ENTPD3: variants seen among roughly 807,000 people sequenced by gnomAD.
The protein encoded by ENTPD3 is ectonucleoside triphosphate diphosphohydrolase 3, also known as CD39 antigen-like 3.
Under a neutral mutation model 51.2 loss-of-function variants are expected in ENTPD3, and 60 were observed. That is an observed-to-expected ratio of 1.17 (90% confidence interval 0.95 to 1.45). The LOEUF is 1.45. ENTPD3 is among the 40% of genes most tolerant of loss of function. ENTPD3 has a pLI of 0.00. For missense variants in ENTPD3, 593 were observed against 641.1 expected (o/e 0.93, Z 0.81); for synonymous variants, 221 against 238.4 (o/e 0.93, Z 0.67).
Position 40,412,604 on chromosome 3 carries a change from T to A in ENTPD3, c.437+642T>A, listed in dbSNP as rs150292449. 4.5e-3 allele frequency among the ~76,000 whole-genome samples: 679 copies of A among 152,282 alleles called. 2 individuals are homozygous for A. The highest frequency in any genetic ancestry group is 0.014 in the African/African-American group (581 of 41,560). ...TCCAAAAAGAAACACCAAACTTAAA[T>A]CTACTCAGAGTAAAGGCTACTACTC... On this transcript the variant is annotated intron_variant, in intron 5 of 10. Coordinates refer to ENST00000301825, the MANE Select transcript of ENTPD3 (RefSeq NM_001248.4).
intron 7 of ENTPD3, among the ~76,000 whole-genome samples, chr3:40,417,973 C>T (rs1559517012): frequency 1.3e-5 from 2 of 152,098 alleles, no homozygotes; most frequent in African/African-American, 4.8e-5. Flanking sequence ...TGTCTGCGTG[C>T]CTCTGTGTGT....
intron 3 of ENTPD3, among the ~76,000 whole-genome samples, chr3:40,392,989 CAAA>C (rs79999441): frequency 1.5e-5 from 2 of 131,526 alleles, no homozygotes; most frequent in African/African-American, 2.8e-5. Flanking sequence ...ACCCCCCCGG[CAAA>C]AAAAAAAAAA....
chr3:40,422,159 C>T (rs1306753801), intron 7 of ENTPD3, among the ~76,000 whole-genome samples: 1 of 151,256 alleles, frequency 6.6e-6, no homozygotes, highest in Non-Finnish European at 1.5e-5. Flanking sequence ...CACACACACA[C>T]CCTTTTCCCA....
chr3:40,411,755 G>C (rs1955635908), intron 4 of ENTPD3, 57 bp from the exon 5 acceptor site: 1 of 1,501,866 alleles, frequency 6.7e-7, no homozygotes. Context: ...TTTAAAAGTT[G>C]TATCACTGCG....
At chr3:40,399,353 T>C (rs1486064077) in intron 3 of ENTPD3, 1 of 152,250 alleles carries the variant, frequency 6.6e-6, no homozygotes, top group Non-Finnish European at 1.5e-5. Context: ...CTGGCTTTTC[T>C]ATATATGCTA....
At chr3:40,400,408 T>C (rs1014685326) in intron 3 of ENTPD3, among the ~76,000 whole-genome samples, 9 of 152,108 alleles carry the variant, frequency 5.9e-5, no homozygotes, top group Non-Finnish European at 1.5e-5. Context: ...CAGGTGACTA[T>C]TCATTTTCCG....
rs940879420 is a variant in ENTPD3, at chr3:40,423,943, C to A, written c.1333C>A (p.Gln445Lys). 2.5e-6 allele frequency: 4 copies of A among 1,614,000 alleles called. No homozygotes were observed. In the African/African-American group the frequency reaches 5.3e-5, roughly 22 times the overall value. ...CAAATTCACAGAGGAGACTTGGCCCCAAATACACTTTGAAAAAGAAGTAAG... is the reference window on the plus strand; with the variant it reads ...CAAATTCACAGAGGAGACTTGGCCCAAAATACACTTTGAAAAAGAAGTAAG... Reference protein sequence around the residue: ...GYKFTEETWPQIHFEKEVGNS... With the variant: ...GYKFTEETWPKIHFEKEVGNS... Residue 445 changes from glutamine to lysine, a missense_variant, in exon 10 of 11, where the codon CAA becomes AAA. Gln to Lys is a moderately conservative substitution (Grantham distance 53, BLOSUM62 1). Coordinates refer to ENST00000301825, the MANE Select transcript of ENTPD3 (RefSeq NM_001248.4).
intron 1 of ENTPD3, 36 bp from the exon 2 acceptor site, chr3:40,388,010 T>C (rs750965957): frequency 7.0e-5 from 111 of 1,579,352 alleles, no homozygotes; most frequent in Non-Finnish European, 9.1e-5. Flanking sequence ...GCCGGGGCGG[T>C]GGACTTACTG....
intron 5 of ENTPD3, among the ~76,000 whole-genome samples, chr3:40,413,148 T>G (rs1182937066): frequency 2.6e-5 from 4 of 152,220 alleles, no homozygotes; most frequent in Admixed American, 1.3e-4. Flanking sequence ...GAGCTACTTA[T>G]AGAAAAGCCA....
chr3:40,405,146 A>G (rs1369177167), intron 4 of ENTPD3, among the ~76,000 whole-genome samples: 1 of 152,068 alleles, frequency 6.6e-6, no homozygotes, highest in Non-Finnish European at 1.5e-5. Flanking sequence ...CCTAAACTTA[A>G]CTATCTCCTC....
intron 3 of ENTPD3, chr3:40,394,379 C>G (rs1311433385): frequency 3.4e-6 from 1 of 290,504 alleles, no homozygotes; most frequent in South Asian, 2.9e-5. Context: ...ACCTCAGCCT[C>G]CCAGAGTGGT....
intron 3 of ENTPD3, among the ~76,000 whole-genome samples, chr3:40,395,109 A>G (rs1207157545): frequency 6.6e-6 from 1 of 152,212 alleles, no homozygotes; most frequent in Non-Finnish European, 1.5e-5. Flanking sequence ...CTGTCCACAC[A>G]CAGGTGCATG....
At position 40,427,537 on chromosome 3, in the gene ENTPD3, G is replaced by A. The variant is rs1313332383; in HGVS notation, c.*29G>A. 6.4e-7 allele frequency: 1 copy of A among 1,563,390 alleles called. No homozygotes were observed. Among genetic ancestry groups the A allele is most frequent in the Non-Finnish European group, 8.8e-7 (1 of 1,134,258 alleles). ...TTCAAAGCAGCTCCTGGAGTCCAAT[G>A]GCTGCTTAGAGTCAGCCTGGGTGGC... On this transcript the variant is annotated 3_prime_UTR_variant, in exon 11 of 11. Coordinates refer to ENST00000301825, the MANE Select transcript of ENTPD3 (RefSeq NM_001248.4).
In ENTPD3 at chr3:40,414,684, G is replaced by T. The variant is rs767639264; in HGVS notation, c.441G>T (p.Leu147Phe). ...GTTTGTTCTGTGCCTTGTACAGGTT[G>T]CAAAATGAAACAGCAGCTAATGAAG... ...GATAGMRLLR[L>F]QNETAANEVL... The change falls in exon 6 of 11, where the codon TTG (leucine) becomes TTT (phenylalanine). Residue 147 changes from leucine (L) to phenylalanine (F), a missense_variant. Coordinates refer to ENST00000301825, the MANE Select transcript of ENTPD3 (RefSeq NM_001248.4). The T allele has an allele frequency of 1.9e-6, 3 of 1,613,972 alleles. No individual in the cohort carries two copies. The Admixed American group carries it at 5.0e-5, about 27-fold the overall frequency.
At chr3:40,403,653 A>ATTTT (rs112252461) in intron 4 of ENTPD3, among the ~76,000 whole-genome samples, 4 of 139,978 alleles carry the variant, frequency 2.9e-5, no homozygotes, top group African/African-American at 5.3e-5. Context: ...TTTTCCTTTA[A>ATTTT]TTTTTTTTTT....
chr3:40,388,373 T>C (rs1344233395), intron 2 of ENTPD3, among the ~76,000 whole-genome samples: 1 of 152,078 alleles, frequency 6.6e-6, no homozygotes, highest in Non-Finnish European at 1.5e-5. Flanking sequence ...TGGTTTCCCT[T>C]AGCTAGCTGT....
At chr3:40,414,653 A>C in intron 5 of ENTPD3, 28 bp from the exon 6 acceptor site, 1 of 1,612,166 alleles carries the variant, frequency 6.2e-7, no homozygotes, top group Non-Finnish European at 8.5e-7. Flanking sequence ...CTGGGCACTC[A>C]GACTTGTTTG....
In ENTPD3 at chr3:40,389,480, G is replaced by A. The variant is rs542691693; in HGVS notation, c.40+1383G>A. On this transcript the variant is annotated intron_variant, in intron 2 of 10. Transcript: ENST00000301825. ...GTGTCTAAGTCATTTTACACATGTG[G>A]AGCTAGTTCTGTGGGATAACTTCCC... 2.7e-4 allele frequency among the ~76,000 whole-genome samples: 41 copies of A among 152,318 alleles called. No homozygotes were observed. The South Asian group carries it at 7.9e-3, about 29-fold the overall frequency.
chr3:40,398,376 G>T (rs564172663), intron 3 of ENTPD3, among the ~76,000 whole-genome samples: 2 of 152,290 alleles, frequency 1.3e-5, no homozygotes, highest in South Asian at 4.2e-4. Flanking sequence ...TTCAGCACCA[G>T]GCGTGGCAGG....
Sources: gnomAD v4.1 joint callset for allele counts (sites outside exome capture counted in the v4.1 genomes callset) on GRCh38, gnomAD v4.1.1 for gene constraint, MANE v1.5 for transcripts, NCBI Gene and HGNC (gene_info 2026-07-23, HGNC 2026-07-21) for gene names.